ATPAF1: variants seen among roughly 807,000 people sequenced by gnomAD.
ATPAF1 encodes ATP synthase mitochondrial F1 complex assembly factor 1, also known as homolog of yeast ATP11.
In ATPAF1, 26 loss-of-function variants were observed where a neutral mutation model predicts 43.9. The ratio of observed to expected loss-of-function variants is 0.59; its 90% confidence interval spans 0.43 to 0.82. The LOEUF is 0.82. ATPAF1 is among the 40% of genes least tolerant of loss of function. ATPAF1 has a pLI of 0.00. For missense variants in ATPAF1, 366 were observed against 435.0 expected (o/e 0.84, Z 1.41); for synonymous variants, 157 against 168.0 (o/e 0.93, Z 0.50).
At chr1:46,641,876 G>A (rs573590820) in intron 8 of ATPAF1, among the ~76,000 whole-genome samples, 1 of 151,756 alleles carries the variant, frequency 6.6e-6, no homozygotes, top group South Asian at 2.1e-4. Flanking sequence ...TACTTCCTTG[G>A]TGACTTCATT....
intron 7 of ATPAF1, among the ~76,000 whole-genome samples, chr1:46,644,067 C>A (rs772149446): frequency 1.3e-5 from 2 of 152,200 alleles, no homozygotes; most frequent in Non-Finnish European, 2.9e-5. Flanking sequence ...CTTGAACATA[C>A]TTCTAATGTT....
intron 2 of ATPAF1, among the ~76,000 whole-genome samples, chr1:46,661,191 G>C (rs1676380475): frequency 6.6e-6 from 1 of 151,930 alleles, no homozygotes; most frequent in Admixed American, 6.5e-5. Context: ...TCCTGCCTCA[G>C]CCTCCTGAGT....
chr1:46,633,448 G>T, downstream of ATPAF1: 1 of 224,072 alleles, frequency 4.5e-6, no homozygotes, highest in Non-Finnish European at 8.8e-6. Context: ...GATAGTTTAA[G>T]CAATTTGTTC....
At chr1:46,654,144 T>A (rs1676219407) in intron 4 of ATPAF1, among the ~76,000 whole-genome samples, 2 of 152,226 alleles carry the variant, frequency 1.3e-5, no homozygotes, top group South Asian at 4.1e-4. Context: ...GCCTTGTGTG[T>A]GATAGACAAC....
intron 1 of ATPAF1, among the ~76,000 whole-genome samples, chr1:46,667,453 T>C (rs1036359402): frequency 1.3e-5 from 2 of 152,156 alleles, no homozygotes; most frequent in African/African-American, 2.4e-5. Flanking sequence ...CTCTGGAAGC[T>C]AAGAGGTGGT....
At chr1:46,663,649 G>C (rs1676438475) in intron 2 of ATPAF1, among the ~76,000 whole-genome samples, 1 of 151,462 alleles carries the variant, frequency 6.6e-6, no homozygotes, top group East Asian at 1.9e-4. Flanking sequence ...TTGTAAATTT[G>C]TTTGAGTTCA....
chr1:46,645,525 TA>T (rs1408988784), intron 6 of ATPAF1, among the ~76,000 whole-genome samples: 1 of 150,822 alleles, frequency 6.6e-6, no homozygotes, highest in Non-Finnish European at 1.5e-5. Context: ...TAAGCCTGGC[TA>T]CTTTTTTTTT....
At chr1:46,634,917 G>A (rs537147178), downstream of ATPAF1, 5 of 152,522 alleles carry the variant, frequency 3.3e-5, no homozygotes, top group East Asian at 7.7e-4. Context: ...AACATTGTAA[G>A]CCAGACTTAA....
At position 46,639,722 on chromosome 1, in the gene ATPAF1, C is replaced by G. The variant is rs535292996; in HGVS notation, c.792+3472G>C. On this transcript the variant is annotated intron_variant, in intron 8 of 8. Coordinates refer to ENST00000574428, the Ensembl canonical transcript of ATPAF1. ...TCTTATACTTCTAAGTTTCTCTTCTCTAAGTCATGTACAACAAGTTCTAAC... is the reference window on the plus strand; with the variant it reads ...TCTTATACTTCTAAGTTTCTCTTCTGTAAGTCATGTACAACAAGTTCTAAC... Among the ~76,000 whole-genome samples the G allele has an allele frequency of 2.1e-3, 320 of 152,326 alleles. 2 individuals carry two copies. Among genetic ancestry groups the G allele is most frequent in the Non-Finnish European group, 2.1e-4 (14 of 68,026 alleles).
chr1:46,665,402 C>T, intron 1 of ATPAF1, 38 bp from the exon 2 acceptor site: 1 of 1,582,958 alleles, frequency 6.3e-7, no homozygotes, highest in South Asian at 1.1e-5. Context: ...CCAACTGGGC[C>T]TTTTTGAATT....
chr1:46,661,511 T>C (rs1676386782), intron 2 of ATPAF1, among the ~76,000 whole-genome samples: 1 of 152,244 alleles, frequency 6.6e-6, no homozygotes, highest in Non-Finnish European at 1.5e-5. Flanking sequence ...AGTCGTGCCC[T>C]AATATTTACA....
chr1:46,668,478 C>G (rs1018524175), upstream of ATPAF1: 9 of 517,492 alleles, frequency 1.7e-5, no homozygotes, highest in East Asian at 2.3e-4. The surrounding 1 kb of genome is among the most constrained non-coding windows in gnomAD (Gnocchi z 4.4). Flanking sequence ...CGAGGCGGGG[C>G]GGGGAGGAGG....
At chr1:46,643,007 T>C (rs1675976460) in intron 8 of ATPAF1, among the ~76,000 whole-genome samples, 187 bp downstream of exon 8, 3 of 152,206 alleles carry the variant, frequency 2.0e-5, no homozygotes, top group African/African-American at 4.8e-5. Flanking sequence ...GAATAAATGA[T>C]TGAGGATCTG....
intron 2 of ATPAF1, among the ~76,000 whole-genome samples, chr1:46,661,426 T>A (rs1196917343): frequency 1.3e-5 from 2 of 152,190 alleles, no homozygotes; most frequent in Non-Finnish European, 1.5e-5. Context: ...CCAGTCAGTA[T>A]TTGCTGCTTA....
At chr1:46,658,155 T>A (rs1676309713) in exon 4 of ATPAF1, 2 of 1,612,338 alleles carry the variant, frequency 1.2e-6, no homozygotes, top group Non-Finnish European at 1.7e-6. Context: ...AGTTTTTTCT[T>A]TTACCATCTC....
At chr1:46,635,563 G>A (rs1387398778) in exon 9 of ATPAF1, 1 of 543,606 alleles carries the variant, frequency 1.8e-6, no homozygotes, top group East Asian at 2.9e-5. Context: ...GAAACCTCAA[G>A]TATGCTGAGA....
exon 9 of ATPAF1, chr1:46,635,902 G>C (rs952605964): frequency 1.2e-6 from 2 of 1,614,132 alleles, no homozygotes; most frequent in African/African-American, 2.7e-5. Context: ...CTAACCCGTA[G>C]GTCTCTTTCC....
chr1:46,636,005 G>T, intron 8 of ATPAF1, 35 bp from the exon 9 acceptor site: 1 of 1,603,492 alleles, frequency 6.2e-7, no homozygotes, highest in Non-Finnish European at 8.5e-7. Flanking sequence ...GTCCTTTCTT[G>T]CACAGGGCCA....
intron 7 of ATPAF1, among the ~76,000 whole-genome samples, chr1:46,643,508 A>G (rs1675985883): frequency 6.6e-6 from 1 of 152,400 alleles, no homozygotes; most frequent in African/African-American, 2.4e-5. Context: ...TGTGTCTTCA[A>G]CTGGAAAAGG....
Sources: allele counts gnomAD v4.1 joint callset (sites outside exome capture counted in the v4.1 genomes callset), GRCh38; gene constraint gnomAD v4.1.1; non-coding constraint Gnocchi (gnomAD v3.1); transcripts MANE v1.5; gene names NCBI Gene and HGNC (gene_info 2026-07-23, HGNC 2026-07-21).